ITK: variants seen among roughly 807,000 people sequenced by gnomAD.
ITK encodes IL2 inducible T cell kinase.
In ITK, 45 loss-of-function variants were observed where a neutral mutation model predicts 87.6. The ratio of observed to expected loss-of-function variants is 0.51; its 90% CI spans 0.40 to 0.66. The LOEUF is 0.66. Among genes scored for constraint, ITK ranks in the 30% least tolerant of loss-of-function variants. The probability of loss-of-function intolerance (pLI) is 0.00; values close to 1 mark genes in which losing one functional copy is unlikely to be tolerated. For synonymous variants in ITK, 303 were observed against 273.6 expected (o/e 1.11, Z -1.06); for missense variants, 605 against 766.3 (o/e 0.79, Z 2.48).
chr5:157,209,057 C>A (rs765924036), intron 2 of ITK, 64 bp downstream of exon 2: 1 of 1,101,000 alleles, frequency 9.1e-7, no homozygotes, highest in Non-Finnish European at 1.4e-6. Context: ...CAGTCACAGC[C>A]GGGTGCAGTG....
intron 13 of ITK, 37 bp downstream of exon 13, chr5:157,244,515 G>A (rs776238662): frequency 8.8e-6 from 10 of 1,142,534 alleles, no homozygotes; most frequent in Non-Finnish European, 1.2e-5. Context: ...CAGGTCCAGG[G>A]TAAAGGGACA....
chr5:157,245,615 T>C, intron 13 of ITK, 111 bp from the exon 14 acceptor site: 1 of 845,844 alleles, frequency 1.2e-6, no homozygotes, highest in Non-Finnish European at 2.0e-6. Flanking sequence ...GATGCCCTTG[T>C]ATGACAGCAC....
Position 157,253,603 on chromosome 5 carries a change from G to A in ITK, c.*925G>A. 4.4e-6 allele frequency: 1 copy of A among 228,646 alleles called. No individual in the cohort carries two copies. Among genetic ancestry groups the A allele is most frequent in the Non-Finnish European group, 8.7e-6 (1 of 115,184 alleles). The allele number at this position is 228,646 out of a possible 1,614,324, so 14.2% of individuals were successfully genotyped here. The stretch of plus-strand genomic sequence containing the variant: ...CTTCTGAAAAACATCCTTTTTTCCA[G>A]CCTCTGGGAATCAGCCCCCCCTCTC... On this transcript the variant is annotated 3_prime_UTR_variant, in exon 17 of 17. Coordinates refer to ENST00000422843, the MANE Select transcript of ITK (RefSeq NM_005546.4).
chr5:157,186,380 AAGAG>A (rs1029144390), intron 1 of ITK, among the ~76,000 whole-genome samples: 11 of 150,960 alleles, frequency 7.3e-5, no homozygotes, highest in South Asian at 4.2e-4. Flanking sequence ...AAAAAAAAAA[AAGAG>A]AGAGAGAGAG....
rs186200576 is a variant in ITK at position 157,211,426 on chromosome 5, G to A, written c.325+58G>A. ...CACTCTTGATCCTATAGTAGGGTTG[G>A]GTTCCACAATAGAATAGAGTGTGGT... On this transcript the variant is annotated intron_variant, in intron 3 of 16. Coordinates refer to ENST00000422843, the MANE Select transcript of ITK (RefSeq NM_005546.4). 207 of 1,379,666 alleles carry A rather than the reference G, an allele frequency of 1.5e-4. No homozygotes were observed. The African/African-American group carries it at 2.5e-3, about 17-fold the overall frequency. The allele number at this position is 1,379,666 out of a possible 1,614,324, so 85.5% of individuals were successfully genotyped here.
Position 157,228,355 on chromosome 5 carries a change from C to G in ITK, c.707C>G (p.Thr236Ser). 3 of 1,575,812 alleles carry G rather than the reference C, an allele frequency of 1.9e-6. No individual in the cohort carries two copies. Among genetic ancestry groups the G allele is most frequent in the Non-Finnish European group, 2.6e-6 (3 of 1,145,326 alleles). The change falls in exon 7 of 17, where the codon ACC becomes AGC. Residue 236 changes from threonine to serine, a missense_variant. By Grantham distance (58) the Thr-to-Ser change is moderately conservative. This residue lies in a region of ITK where 464 missense variants were observed against 578.0 expected (regional missense o/e 0.80). Coordinates refer to ENST00000422843, the MANE Select transcript of ITK (RefSeq NM_005546.4). ...GAAAAATCTCCAAATAATCTGGAAA[C>G]CTATGAGTAAGATATTTTATTTGTT... ...LVEKSPNNLE[T>S]YEWYNKSISR...
intron 1 of ITK, among the ~76,000 whole-genome samples, chr5:157,206,292 AAGTATTTTCTTG>A (rs1413717455): frequency 1.3e-5 from 2 of 152,084 alleles, no homozygotes; most frequent in African/African-American, 2.4e-5. Context: ...TTTGGTTTGC[AAGTATTTTCTTG>A]AGAATTTTTG....
chr5:157,219,541 G>A (rs1207996748), intron 5 of ITK, among the ~76,000 whole-genome samples: 2 of 152,070 alleles, frequency 1.3e-5, no homozygotes, highest in Admixed American at 1.3e-4. Context: ...CCAAAATGGT[G>A]ACATTTCAAA....
intron 8 of ITK, among the ~76,000 whole-genome samples, chr5:157,233,245 C>T (rs1754695436): frequency 6.6e-6 from 1 of 152,216 alleles, no homozygotes; most frequent in Admixed American, 6.5e-5. Flanking sequence ...CATCCTGCCA[C>T]TTTCTGCTCC....
At chr5:157,224,328 C>T (rs989696325) in intron 6 of ITK, 3 of 151,236 alleles carry the variant, frequency 2.0e-5, no homozygotes, top group Non-Finnish European at 4.4e-5. Flanking sequence ...TCTTGTGTAT[C>T]ATAAATAAAA....
At chr5:157,201,005 T>A (rs1040183082) in intron 1 of ITK, among the ~76,000 whole-genome samples, 1 of 152,198 alleles carries the variant, frequency 6.6e-6, no homozygotes, top group Non-Finnish European at 1.5e-5. Flanking sequence ...TTTAATATAC[T>A]ACAACCAAGT....
intron 1 of ITK, among the ~76,000 whole-genome samples, chr5:157,187,255 C>A (rs1753662852): frequency 6.6e-6 from 1 of 152,240 alleles, no homozygotes; most frequent in Non-Finnish European, 1.5e-5. Context: ...ATTTCCCCAC[C>A]TCACCCTCCA....
chr5:157,183,330 G>A (rs1032646583), intron 1 of ITK, among the ~76,000 whole-genome samples: 1 of 152,012 alleles, frequency 6.6e-6, no homozygotes, highest in Non-Finnish European at 1.5e-5. Context: ...TAAATTAAAG[G>A]CTTCATTTTC....
intron 1 of ITK, among the ~76,000 whole-genome samples, chr5:157,186,204 T>C (rs1351484927): frequency 6.6e-6 from 1 of 152,192 alleles, no homozygotes; most frequent in Non-Finnish European, 1.5e-5. Flanking sequence ...TGCAATACAT[T>C]CTTGCTCTGA....
At position 157,245,929 on chromosome 5, in the gene ITK, G is replaced by C; in HGVS notation, c.1563G>C (p.Pro521=). 1 of 1,614,162 alleles carries C rather than the reference G, an allele frequency of 6.2e-7. No individual in the cohort carries two copies. The change falls in exon 15 of 17, where the codon CCG becomes CCC. Residue 521 remains proline, a synonymous_variant. Coordinates refer to ENST00000422843, the MANE Select transcript of ITK (RefSeq NM_005546.4). ...QYTSSTGTKF[P]VKWASPEVFS... ...CCAGTTCCACAGGCACCAAATTCCC[G>C]GTGAAGTGGGCATCCCCAGAGGTTT...
chr5:157,225,141 C>T (rs543895688), intron 6 of ITK, among the ~76,000 whole-genome samples: 6 of 152,122 alleles, frequency 3.9e-5, no homozygotes, highest in African/African-American at 7.2e-5. Flanking sequence ...ACTATAGGCA[C>T]GCACCACCAT....
intron 4 of ITK, among the ~76,000 whole-genome samples, chr5:157,214,667 G>T (rs1191678275): frequency 6.6e-6 from 1 of 151,914 alleles, no homozygotes; most frequent in Non-Finnish European, 1.5e-5. Flanking sequence ...ACAGTTTGAG[G>T]AGCCCTGCTA....
At chr5:157,226,063 C>T (rs752861602) in intron 6 of ITK, among the ~76,000 whole-genome samples, 54 of 152,328 alleles carry the variant, frequency 3.5e-4, no homozygotes, top group Middle Eastern at 3.4e-3. Context: ...GGAAAGCACA[C>T]AAGATGGGGA....
chr5:157,232,275 C>T, intron 7 of ITK, 65 bp from the exon 8 acceptor site: 1 of 1,130,562 alleles, frequency 8.8e-7, no homozygotes, highest in Non-Finnish European at 1.3e-6. Flanking sequence ...CTAGCATTGT[C>T]TTTTATAAGT....
Sources: allele counts gnomAD v4.1 joint callset (sites outside exome capture counted in the v4.1 genomes callset), GRCh38; gene constraint gnomAD v4.1.1; regional missense constraint gnomAD v4.1.1; transcripts MANE v1.5; gene names NCBI Gene and HGNC (gene_info 2026-07-23, HGNC 2026-07-21).